Variants in TENM4 observed in about 807,000 individuals in gnomAD.
TENM4 encodes teneurin-4.
A neutral mutation model predicts 243.3 loss-of-function variants in TENM4; 82 were observed. The observed-to-expected ratio is 0.34, with a 90% CI of 0.28 to 0.40. The LOEUF (loss-of-function observed/expected upper bound fraction) is 0.40. Among genes scored for constraint, TENM4 ranks in the 10% least tolerant of loss-of-function variants. The pLI, the probability that TENM4 is intolerant of heterozygous loss-of-function variation, is 1.00. For missense variants in TENM4, 3,138 were observed against 3,673.3 expected, an observed-to-expected ratio of 0.85 and a Z score of 3.77; for synonymous variants, 1,412 against 1,456.3, an observed-to-expected ratio of 0.97 and a Z score of 0.69.
At chr11:79,409,387 C>A (rs1422621113) in intron 1 of TENM4, among the ~76,000 whole-genome samples, 1 of 152,062 alleles carries the variant, frequency 6.6e-6, no homozygotes, top group Non-Finnish European at 1.5e-5. Flanking sequence ...ATTTCTAAGG[C>A]TATTCACAGG....
rs372718788 is a variant in TENM4 at position 79,440,629 on chromosome 11, G to A, written c.-441C>T. 1 of 152,066 alleles carries A rather than the reference G, an allele frequency of 6.6e-6. No homozygotes were observed. The highest frequency in any genetic ancestry group is 2.0e-4 in the East Asian group (1 of 5,112). 9.4% of individuals were successfully genotyped at this position (152,066 alleles called of 1,614,324 possible). A position where few individuals can be genotyped will look rare whatever the true frequency, so the allele number is the denominator to read the frequency against. On this transcript the variant is annotated 5_prime_UTR_variant, in exon 1 of 34. Transcript: ENST00000278550. This position sits in a 1 kb window ranked among gnomAD's most constrained non-coding sequence, Gnocchi z 4.7. ...GCTCCTCTGCTCCGCGAGCCGTAGC[G>A]GGGCGCCCAGGAAGGAGCAGGTCCG...
intron 1 of TENM4, among the ~76,000 whole-genome samples, chr11:79,429,013 G>A (rs1193195699): frequency 1.3e-5 from 2 of 152,140 alleles, no homozygotes; most frequent in African/African-American, 4.8e-5. Context: ...CTAGTCTTTG[G>A]TAAAAAGCAC....
chr11:79,007,642 G>C (rs1294802830), intron 6 of TENM4, among the ~76,000 whole-genome samples: 1 of 152,148 alleles, frequency 6.6e-6, no homozygotes, highest in African/African-American at 2.4e-5. Flanking sequence ...CACTAGCTGG[G>C]GCCTCCTCCC....
Position 79,155,481 on chromosome 11 carries a change from C to T in TENM4, c.-162-6675G>A, listed in dbSNP as rs117926004. On this transcript the variant is annotated intron_variant, in intron 3 of 33. Coordinates refer to ENST00000278550, the MANE Select transcript of TENM4 (RefSeq NM_001098816.3). Reference sequence around the variant, plus strand: ...AGAATGCCATTTCCTCATATTAACCCCAGAGCAACGTCAACCTATCAAGAT... The same window carrying T: ...AGAATGCCATTTCCTCATATTAACCTCAGAGCAACGTCAACCTATCAAGAT... 3.3e-3 allele frequency among the ~76,000 whole-genome samples: 496 copies of T among 152,168 alleles called. 2 individuals are homozygous for T. The highest frequency in any genetic ancestry group is 0.014 in the Middle Eastern group (4 of 294).
chr11:78,896,670 T>C (rs1233821050), intron 7 of TENM4, among the ~76,000 whole-genome samples: 3 of 152,088 alleles, frequency 2.0e-5, no homozygotes, highest in Admixed American at 1.3e-4. Context: ...CAGCTAAAAA[T>C]TCCTTTCTCC....
intron 6 of TENM4, among the ~76,000 whole-genome samples, chr11:79,050,676 T>C (rs770315066): frequency 2.0e-5 from 3 of 152,254 alleles, no homozygotes; most frequent in Non-Finnish European, 4.4e-5. Context: ...GAAAGCAATT[T>C]GTTTTGTAGT....
At chr11:78,876,396 G>A (rs1480580611) in intron 9 of TENM4, among the ~76,000 whole-genome samples, 1 of 152,154 alleles carries the variant, frequency 6.6e-6, no homozygotes, top group African/African-American at 2.4e-5. Flanking sequence ...ATGCACAAAT[G>A]GACACTTTAA....
intron 3 of TENM4, among the ~76,000 whole-genome samples, chr11:79,196,909 G>A (rs1246387942): frequency 6.6e-6 from 1 of 152,192 alleles, no homozygotes; most frequent in Non-Finnish European, 1.5e-5. Context: ...GCCTCAGCAT[G>A]AGGAGGAAAC....
chr11:78,782,234 G>A (rs1856851109), intron 16 of TENM4, among the ~76,000 whole-genome samples: 1 of 107,298 alleles, frequency 9.3e-6, no homozygotes, highest in Admixed American at 9.2e-5. Context: ...TGAAGCCGGT[G>A]GATCACTTGA....
intron 14 of TENM4, 140 bp downstream of exon 14, chr11:78,811,982 G>C (rs894839434): frequency 5.6e-5 from 56 of 999,170 alleles, no homozygotes; most frequent in Non-Finnish European, 7.2e-5. Flanking sequence ...ACTGTTGCTG[G>C]TGGGTGGGCT....
intron 12 of TENM4, among the ~76,000 whole-genome samples, chr11:78,823,880 A>G (rs1591050572): frequency 6.6e-6 from 1 of 152,218 alleles, no homozygotes; most frequent in Admixed American, 6.5e-5. Context: ...ATAATAGCTG[A>G]TAAGTGCAGA....
chr11:79,043,772 A>C (rs945862731), intron 6 of TENM4, among the ~76,000 whole-genome samples: 1 of 152,200 alleles, frequency 6.6e-6, no homozygotes, highest in East Asian at 1.9e-4. Flanking sequence ...ATCCGGAGTC[A>C]AAAGAAAATA....
intron 2 of TENM4, among the ~76,000 whole-genome samples, chr11:79,279,961 G>C (rs759936340): frequency 2.0e-5 from 3 of 151,982 alleles, no homozygotes; most frequent in Non-Finnish European, 2.9e-5. Flanking sequence ...AACTAGCTCG[G>C]CCCCCTTTTG....
chr11:79,244,586 A>G (rs763846041), intron 2 of TENM4, among the ~76,000 whole-genome samples: 1 of 152,164 alleles, frequency 6.6e-6, no homozygotes, highest in Non-Finnish European at 1.5e-5. Context: ...CTTGCAGTAC[A>G]TCAGTTATAT....
chr11:78,961,119 C>G (rs1591164821), intron 6 of TENM4, among the ~76,000 whole-genome samples: 2 of 152,234 alleles, frequency 1.3e-5, no homozygotes, highest in African/African-American at 2.4e-5. Context: ...CTTTGAACCT[C>G]TGCCTCCTTT....
intron 15 of TENM4, among the ~76,000 whole-genome samples, chr11:78,787,954 C>G (rs1856974509): frequency 6.6e-6 from 1 of 152,220 alleles, no homozygotes; most frequent in Admixed American, 6.5e-5. Flanking sequence ...TACAACTGCT[C>G]TTTAGGAAAC....
At chr11:79,224,450 G>A (rs1864222971) in intron 2 of TENM4, among the ~76,000 whole-genome samples, 1 of 152,112 alleles carries the variant, frequency 6.6e-6, no homozygotes, top group South Asian at 2.1e-4. Context: ...TAGTGCAAAT[G>A]GTAAGATGCA....
intron 6 of TENM4, among the ~76,000 whole-genome samples, chr11:78,973,502 T>C (rs999177962): frequency 1.3e-5 from 2 of 152,134 alleles, no homozygotes; most frequent in Admixed American, 6.5e-5. Context: ...TTCAGATCCA[T>C]TGCCCAATTT....
In TENM4 at chr11:79,020,933, C is replaced by T. The variant is rs1434060116; in HGVS notation, c.493+43805G>A. ...CACATGCCTTACTCTTTGGAGTCCCCACAGTACCCTCTGCAGCTGCACACC... is the reference window on the plus strand; with the variant it reads ...CACATGCCTTACTCTTTGGAGTCCCTACAGTACCCTCTGCAGCTGCACACC... On this transcript the variant is annotated intron_variant, in intron 6 of 33. Coordinates refer to ENST00000278550, the MANE Select transcript of TENM4 (RefSeq NM_001098816.3). Among the ~76,000 whole-genome samples, 5 of 152,166 alleles carry T rather than the reference C, an allele frequency of 3.3e-5. No individual in the cohort carries two copies. The South Asian group carries it at 6.2e-4, about 19-fold the overall frequency.
Sources: allele counts gnomAD v4.1 joint callset (sites outside exome capture counted in the v4.1 genomes callset), GRCh38; gene constraint gnomAD v4.1.1; non-coding constraint Gnocchi (gnomAD v3.1); transcripts MANE v1.5; gene names NCBI Gene and HGNC (gene_info 2026-07-23, HGNC 2026-07-21).